Variants in TANGO6 observed in about 807,000 individuals in gnomAD.
TANGO6 encodes transport and Golgi organization protein 6 homolog.
Under a neutral mutation model 114.2 loss-of-function variants are expected in TANGO6, and 90 were observed. The ratio of observed to expected loss-of-function variants is 0.79; its 90% CI spans 0.66 to 0.94. The LOEUF (loss-of-function observed/expected upper bound fraction) is 0.94, where lower values mean the gene tolerates loss of function less well. Ranked by LOEUF, TANGO6 falls within the 40% of genes least tolerant of loss-of-function variation. The pLI is 0.00. For missense variants in TANGO6, 1,274 were observed against 1,315.3 expected, an observed-to-expected ratio of 0.97 and a Z score of 0.49; for synonymous variants, 477 against 509.8, an observed-to-expected ratio of 0.94 and a Z score of 0.87.
Position 68,860,544 on chromosome 16 carries a change from G to T in TANGO6, c.735+20G>T, listed in dbSNP as rs754922344. ...GAAGAGGTAAATATACATTGAGAAA[G>T]AGAGAGGGAGAGATTGTGTGTGTAT... On this transcript the variant is annotated intron_variant, in intron 2 of 17. Coordinates refer to ENST00000261778, the MANE Select transcript of TANGO6 (RefSeq NM_024562.2). 8 of 1,604,686 alleles carry T rather than the reference G, an allele frequency of 5.0e-6. No homozygotes were observed. Among genetic ancestry groups the T allele is most frequent in the Non-Finnish European group, 6.8e-6 (8 of 1,173,802 alleles).
At chr16:68,982,949 G>A (rs552354162) in intron 15 of TANGO6, among the ~76,000 whole-genome samples, 1 of 148,130 alleles carries the variant, frequency 6.8e-6, no homozygotes, top group African/African-American at 2.5e-5. Context: ...AAAATGAAGT[G>A]TTTTTTTTTT....
chr16:69,076,651 A>T (rs961458913), intron 17 of TANGO6, among the ~76,000 whole-genome samples: 5 of 152,150 alleles, frequency 3.3e-5, no homozygotes, highest in Non-Finnish European at 5.9e-5. Flanking sequence ...TCGCCTCTCC[A>T]AGCTGTTGGG....
Position 68,880,096 on chromosome 16 carries a change from G to A in TANGO6, c.1295-452G>A, listed in dbSNP as rs62055807. Among the ~76,000 whole-genome samples the A allele has an allele frequency of 6.8e-3, 1,027 of 151,334 alleles. 6 individuals carry two copies. Among genetic ancestry groups the A allele is most frequent in the Middle Eastern group, 0.014 (4 of 290 alleles). On this transcript the variant is annotated intron_variant, in intron 6 of 17. Transcript: ENST00000261778. ...CAAGCGATTCTCCTGCCTCAGCCTC[G>A]TGAGTAGCTGGGACTACAGGCCTGC...
chr16:68,923,740 A>G (rs1432633311), intron 12 of TANGO6, among the ~76,000 whole-genome samples: 1 of 152,238 alleles, frequency 6.6e-6, no homozygotes, highest in African/African-American at 2.4e-5. Flanking sequence ...GGATGGATAA[A>G]TGGAAGGAAG....
chr16:68,849,390 AT>A (rs1961865884), intron 1 of TANGO6, among the ~76,000 whole-genome samples: 2 of 152,030 alleles, frequency 1.3e-5, no homozygotes, highest in Non-Finnish European at 2.9e-5. Context: ...TAATCGCAGC[AT>A]TTTGGGAGGC....
intron 11 of TANGO6, among the ~76,000 whole-genome samples, chr16:68,918,505 C>T (rs944176625): frequency 7.2e-5 from 11 of 152,180 alleles, no homozygotes; most frequent in South Asian, 4.2e-4. Flanking sequence ...CATTGCAGTC[C>T]GTGATCCATT....
chr16:68,927,547 A>AT, intron 12 of TANGO6, 21 bp from the exon 13 acceptor site: 3 of 1,601,830 alleles, frequency 1.9e-6, no homozygotes, highest in Non-Finnish European at 1.7e-6. Flanking sequence ...TGGGTTTGAC[A>AT]TTTTTTATTT....
chr16:68,957,565 T>C (rs956613135), intron 14 of TANGO6, among the ~76,000 whole-genome samples: 7 of 151,872 alleles, frequency 4.6e-5, no homozygotes, highest in Admixed American at 1.3e-4. Context: ...GCTTGGCTAA[T>C]TTTTGGATTT....
At chr16:68,863,161 T>C (rs1962126551) in intron 3 of TANGO6, 100 bp downstream of exon 3, 1 of 652,958 alleles carries the variant, frequency 1.5e-6, no homozygotes, top group East Asian at 2.9e-5. Context: ...CCCTGTTTAA[T>C]GATCTAGTTG....
At chr16:69,022,138 G>T (rs1490760778) in intron 15 of TANGO6, among the ~76,000 whole-genome samples, 1 of 151,708 alleles carries the variant, frequency 6.6e-6, no homozygotes, top group Admixed American at 6.6e-5. Flanking sequence ...CGCCCACCTC[G>T]GCCTCCCAAA....
At chr16:68,943,698 A>G (rs1197343631) in intron 14 of TANGO6, among the ~76,000 whole-genome samples, 4 of 151,706 alleles carry the variant, frequency 2.6e-5, no homozygotes, top group African/African-American at 2.4e-5. Flanking sequence ...TCTGTAAAGT[A>G]TTGTCTTGGT....
intron 17 of TANGO6, among the ~76,000 whole-genome samples, chr16:69,062,725 G>A (rs1006788649): frequency 2.0e-4 from 30 of 148,806 alleles, no homozygotes; most frequent in African/African-American, 6.2e-4. Context: ...CACCCACCTC[G>A]GCCTCCCAAA....
At chr16:68,892,853 C>T (rs1292872376) in intron 7 of TANGO6, among the ~76,000 whole-genome samples, 1 of 152,102 alleles carries the variant, frequency 6.6e-6, no homozygotes, top group Non-Finnish European at 1.5e-5. Flanking sequence ...TTCACTTAAC[C>T]CCAGAGAGGC....
intron 17 of TANGO6, among the ~76,000 whole-genome samples, chr16:69,043,697 C>T (rs1959808767): frequency 6.6e-6 from 1 of 152,148 alleles, no homozygotes. Flanking sequence ...GAGATAACCA[C>T]AAAGCTTTCA....
intron 2 of TANGO6, among the ~76,000 whole-genome samples, chr16:68,860,738 G>C (rs1341889569): frequency 1.3e-5 from 2 of 152,114 alleles, no homozygotes; most frequent in East Asian, 3.8e-4. Context: ...CATTTCACCT[G>C]TCCCTTGTCA....
Position 69,083,644 on chromosome 16 carries a change from A to G in TANGO6, c.3268A>G (p.Ile1090Val), listed in dbSNP as rs369106446. The G allele has an allele frequency of 2.6e-5, 41 of 1,563,126 alleles. No individual in the cohort carries two copies. The highest frequency in any genetic ancestry group is 3.3e-4 in the Middle Eastern group (2 of 6,026). ...LFPPQKLEKK[I>V]MVLP is the part of the protein sequence containing the mutation. ...CCCTCCACAGAAGCTGGAGAAGAAG[A>G]TCATGGTCCTGCCGTAGACCTGGCT... Residue 1090 changes from isoleucine to valine, a missense_variant, in exon 18 of 18, where the codon ATC becomes GTC. Around this residue, in one of 5 missense-constraint regions of TANGO6, gnomAD observed 238 missense variants for 252.9 expected, o/e 0.94. Coordinates refer to ENST00000261778, the MANE Select transcript of TANGO6 (RefSeq NM_024562.2).
At chr16:68,967,521 G>C (rs866792905) in intron 14 of TANGO6, among the ~76,000 whole-genome samples, 1 of 152,132 alleles carries the variant, frequency 6.6e-6, no homozygotes, top group Non-Finnish European at 1.5e-5. Context: ...AAGAAATTTC[G>C]TAACTATTAG....
At chr16:69,078,990 C>T (rs1376486804) in intron 17 of TANGO6, among the ~76,000 whole-genome samples, 1 of 152,000 alleles carries the variant, frequency 6.6e-6, no homozygotes, top group African/African-American at 2.4e-5. Flanking sequence ...GTGATCTGCC[C>T]GTCTCGGCTA....
chr16:68,936,604 G>A (rs752263721), intron 14 of TANGO6, among the ~76,000 whole-genome samples: 2 of 152,060 alleles, frequency 1.3e-5, no homozygotes, highest in African/African-American at 4.8e-5. Context: ...TGAAGTGCTG[G>A]GATTACAGGC....
Sources: allele counts gnomAD v4.1 joint callset (sites outside exome capture counted in the v4.1 genomes callset), GRCh38; gene constraint gnomAD v4.1.1; regional missense constraint gnomAD v4.1.1; transcripts MANE v1.5; gene names NCBI Gene and HGNC (gene_info 2026-07-23, HGNC 2026-07-21).